The following ROBO1 variants were observed in gnomAD, a reference collection of about 807,000 sequenced individuals.
ROBO1 encodes the protein roundabout homolog 1.
In ROBO1, 149 loss-of-function variants were observed where a neutral mutation model predicts 195.9. The observed-to-expected ratio is 0.76, with a 90% CI of 0.67 to 0.87. ROBO1 has a LOEUF of 0.87. Among genes scored for constraint, ROBO1 ranks in the 40% least tolerant of loss-of-function variants. The probability of loss-of-function intolerance (pLI) is 0.00; values close to 1 mark genes in which losing one functional copy is unlikely to be tolerated. For synonymous variants in ROBO1, 816 were observed against 733.2 expected (o/e 1.11, Z -1.82); for missense variants, 1,933 against 2,068.3 (o/e 0.93, Z 1.27).
At chr3:79,312,594 A>G (rs1038565825) in intron 2 of ROBO1, among the ~76,000 whole-genome samples, 1 of 152,218 alleles carries the variant, frequency 6.6e-6, no homozygotes, top group African/African-American at 2.4e-5. Context: ...AAATAGATCT[A>G]TCCCGGTGGA....
intron 2 of ROBO1, among the ~76,000 whole-genome samples, chr3:79,249,728 C>A (rs2082685523): frequency 6.6e-6 from 1 of 152,058 alleles, no homozygotes; most frequent in South Asian, 2.1e-4. Context: ...AGTGTGAGTC[C>A]CATCAGCCTA....
In ROBO1 at chr3:79,368,088, C is replaced by CGTGCCACCA. The variant is rs565682976; in HGVS notation, c.88+221727_88+221735dup. 1.4e-3 allele frequency among the ~76,000 whole-genome samples: 210 copies of CGTGCCACCA among 152,184 alleles called. 2 individuals carry two copies. Among genetic ancestry groups the CGTGCCACCA allele is most frequent in the African/African-American group, 4.8e-3 (200 of 41,506 alleles). On this transcript the variant is annotated intron_variant, in intron 2 of 30. Coordinates refer to ENST00000464233, the MANE Select transcript of ROBO1 (RefSeq NM_002941.4). ...TCCCAAGCAGCTGGGACTACAGGTGCGTGCCACCACACCTGGCTAATTATA... is the reference window on the plus strand; with the variant it reads ...TCCCAAGCAGCTGGGACTACAGGTGCGTGCCACCAGTGCCACCACACCTGGCTAATTATA...
chr3:79,413,219 T>C (rs1480065682), intron 2 of ROBO1, among the ~76,000 whole-genome samples: 1 of 152,026 alleles, frequency 6.6e-6, no homozygotes, highest in East Asian at 1.9e-4. Flanking sequence ...TTAAAAAACA[T>C]GTAACTGATA....
chr3:79,275,790 A>C (rs2030982309), intron 2 of ROBO1, among the ~76,000 whole-genome samples: 1 of 152,142 alleles, frequency 6.6e-6, no homozygotes, highest in African/African-American at 2.4e-5. Flanking sequence ...AAATTGCAGG[A>C]TACGATATCA....
intron 2 of ROBO1, among the ~76,000 whole-genome samples, chr3:79,410,276 G>A (rs959606074): frequency 5.1e-4 from 77 of 152,198 alleles, no homozygotes; most frequent in African/African-American, 1.8e-3. Context: ...CAAGCAAAAA[G>A]TTATAATAAA....
chr3:78,815,842 T>C (rs2084884365), intron 4 of ROBO1, among the ~76,000 whole-genome samples: 2 of 152,160 alleles, frequency 1.3e-5, no homozygotes, highest in South Asian at 4.1e-4. Context: ...CCAATGAAGT[T>C]TTAAACCCGT....
At chr3:79,674,884 A>G (rs1355860428) in intron 1 of ROBO1, among the ~76,000 whole-genome samples, 2 of 151,566 alleles carry the variant, frequency 1.3e-5, no homozygotes, top group Admixed American at 1.3e-4. Context: ...AGAAATAAAG[A>G]AACATTACTC....
intron 1 of ROBO1, among the ~76,000 whole-genome samples, chr3:79,698,344 C>T (rs1947506889): frequency 6.6e-6 from 1 of 151,280 alleles, no homozygotes; most frequent in Non-Finnish European, 1.5e-5. Context: ...CTCATTCTAC[C>T]TTTATTATTG....
chr3:79,180,400 G>A (rs2081321417), intron 2 of ROBO1, among the ~76,000 whole-genome samples: 1 of 152,164 alleles, frequency 6.6e-6, no homozygotes, highest in Admixed American at 6.5e-5. Context: ...AGGGGAAGGA[G>A]AAATAAATTT....
intron 2 of ROBO1, among the ~76,000 whole-genome samples, chr3:79,585,690 G>A (rs1943805784): frequency 6.6e-6 from 1 of 151,876 alleles, no homozygotes; most frequent in Non-Finnish European, 1.5e-5. Flanking sequence ...TAAAGCAGAG[G>A]TTCTCAAATT....
intron 2 of ROBO1, among the ~76,000 whole-genome samples, chr3:79,150,064 G>A (rs773450199): frequency 2.6e-5 from 4 of 151,708 alleles, no homozygotes; most frequent in South Asian, 2.1e-4. Context: ...CATGCACACT[G>A]AGCCTCCAGT....
intron 2 of ROBO1, among the ~76,000 whole-genome samples, chr3:79,482,486 G>A (rs1252003943): frequency 6.6e-6 from 1 of 152,088 alleles, no homozygotes; most frequent in East Asian, 1.9e-4. Flanking sequence ...TCTCTTGCCT[G>A]CTGCCATCTA....
At chr3:78,817,828 T>C (rs2030296855) in intron 4 of ROBO1, among the ~76,000 whole-genome samples, 1 of 152,192 alleles carries the variant, frequency 6.6e-6, no homozygotes, top group East Asian at 1.9e-4. Context: ...CCGTGGTTCC[T>C]AACTGGAATC....
At chr3:78,704,847 A>C (rs1559765791) in intron 8 of ROBO1, among the ~76,000 whole-genome samples, 1 of 152,110 alleles carries the variant, frequency 6.6e-6, no homozygotes, top group Non-Finnish European at 1.5e-5. Flanking sequence ...GTCTCAAAAA[A>C]ACAGTCATAC....
At chr3:78,948,078 G>A (rs373773657) in intron 3 of ROBO1, among the ~76,000 whole-genome samples, 3 of 152,012 alleles carry the variant, frequency 2.0e-5, no homozygotes, top group South Asian at 2.1e-4. Flanking sequence ...ATTCACAGTC[G>A]AATTCTACCA....
intron 2 of ROBO1, among the ~76,000 whole-genome samples, chr3:79,448,650 T>G (rs1244906378): frequency 6.6e-6 from 1 of 152,188 alleles, no homozygotes; most frequent in Non-Finnish European, 1.5e-5. Context: ...TGATGTCATC[T>G]AAATACCAAA....
At chr3:79,636,344 G>T (rs564160105) in intron 1 of ROBO1, among the ~76,000 whole-genome samples, 1 of 152,044 alleles carries the variant, frequency 6.6e-6, no homozygotes, top group Admixed American at 6.6e-5. Flanking sequence ...CAAAAATAGG[G>T]AGCAAACCTC....
At chr3:79,513,841 A>G (rs1940829649) in intron 2 of ROBO1, among the ~76,000 whole-genome samples, 1 of 152,232 alleles carries the variant, frequency 6.6e-6, no homozygotes, top group East Asian at 1.9e-4. Flanking sequence ...GCAAAATTCA[A>G]TACTGCTCTG....
chr3:79,359,320 ACTTT>A (rs1443728878), intron 2 of ROBO1, among the ~76,000 whole-genome samples: 2 of 152,020 alleles, frequency 1.3e-5, no homozygotes, highest in Non-Finnish European at 2.9e-5. Context: ...AAGCCTTTCT[ACTTT>A]CTTTCTGTCA....
Sources: allele counts gnomAD v4.1 joint callset (sites outside exome capture counted in the v4.1 genomes callset), GRCh38; gene constraint gnomAD v4.1.1; transcripts MANE v1.5; gene names NCBI Gene and HGNC (gene_info 2026-07-23, HGNC 2026-07-21).